GRIK2: variants seen among roughly 807,000 people sequenced by gnomAD.
GRIK2 encodes glutamate receptor ionotropic, kainate 2.
In GRIK2, 32 loss-of-function variants were observed where a neutral mutation model predicts 100.3. That is an observed-to-expected ratio of 0.32 (90% CI 0.24 to 0.43). GRIK2 has a LOEUF of 0.43. Among genes scored for constraint, GRIK2 ranks in the 20% least tolerant of loss-of-function variants. The pLI is 1.00. For missense variants in GRIK2, 843 were observed against 1,114.9 expected, an observed-to-expected ratio of 0.76 and a Z score of 3.47; for synonymous variants, 417 against 389.4, an observed-to-expected ratio of 1.07 and a Z score of -0.83.
At chr6:101,844,003 G>A in intron 10 of GRIK2, among the ~76,000 whole-genome samples, 1 of 151,760 alleles carries the variant, frequency 6.6e-6, no homozygotes, top group East Asian at 1.9e-4. Context: ...ACAACACCTG[G>A]AACATTTTAG....
At chr6:101,810,110 T>C (rs1781238242) in intron 9 of GRIK2, among the ~76,000 whole-genome samples, 1 of 151,758 alleles carries the variant, frequency 6.6e-6, no homozygotes, top group South Asian at 2.1e-4. Flanking sequence ...TTATGATATA[T>C]ATAACATAAT....
At chr6:101,524,138 A>C (rs547374804) in intron 2 of GRIK2, among the ~76,000 whole-genome samples, 1 of 152,146 alleles carries the variant, frequency 6.6e-6, no homozygotes, top group Non-Finnish European at 1.5e-5. Context: ...CTTGAATTTT[A>C]TACTTGATTT....
At chr6:101,591,518 A>AT (rs999893185) in intron 2 of GRIK2, among the ~76,000 whole-genome samples, 3 of 151,746 alleles carry the variant, frequency 2.0e-5, no homozygotes, top group African/African-American at 7.3e-5. Flanking sequence ...TGGGGAAGTT[A>AT]TTTTTTCTCT....
intron 12 of GRIK2, among the ~76,000 whole-genome samples, chr6:101,900,433 C>T (rs147420677): frequency 1.3e-5 from 2 of 152,044 alleles, no homozygotes; most frequent in Non-Finnish European, 2.9e-5. Context: ...GCCGAGATCG[C>T]GCCATTGCAC....
intron 11 of GRIK2, among the ~76,000 whole-genome samples, chr6:101,863,866 G>C (rs1022661124): frequency 6.6e-6 from 1 of 152,080 alleles, no homozygotes; most frequent in Non-Finnish European, 1.5e-5. Flanking sequence ...GGCCGGGCGC[G>C]GTGGCTCACG....
intron 14 of GRIK2, among the ~76,000 whole-genome samples, chr6:101,952,688 C>T (rs1312760439): frequency 1.3e-5 from 2 of 151,776 alleles, no homozygotes; most frequent in African/African-American, 4.8e-5. Flanking sequence ...CTGCAAGCTC[C>T]GCCTCCTGGG....
intron 7 of GRIK2, among the ~76,000 whole-genome samples, chr6:101,732,986 TA>T (rs1775379318): frequency 6.6e-6 from 1 of 152,092 alleles, no homozygotes; most frequent in African/African-American, 2.4e-5. Context: ...TCATATATAA[TA>T]AATCAAATGA....
chr6:102,053,499 T>G (rs2782891), intron 15 of GRIK2, among the ~76,000 whole-genome samples: 58,383 of 152,006 alleles, frequency 0.38, 11,562 homozygotes, highest in Middle Eastern at 0.47. Context: ...CCTCAGAATA[T>G]GCAAACATTT....
At chr6:101,615,168 T>C (rs1779837466) in intron 2 of GRIK2, among the ~76,000 whole-genome samples, 1 of 151,702 alleles carries the variant, frequency 6.6e-6, no homozygotes, top group Admixed American at 6.6e-5. Flanking sequence ...TTAACAAGCC[T>C]TTTGTAGTGA....
intron 4 of GRIK2, among the ~76,000 whole-genome samples, chr6:101,645,771 T>C (rs2128326308): frequency 6.6e-6 from 1 of 152,036 alleles, no homozygotes; most frequent in East Asian, 1.9e-4. Flanking sequence ...TTTATTGCTC[T>C]TGATTAGTCC....
At chr6:101,740,036 C>T (rs920285015) in intron 7 of GRIK2, among the ~76,000 whole-genome samples, 7 of 152,164 alleles carry the variant, frequency 4.6e-5, no homozygotes, top group Non-Finnish European at 1.0e-4. Flanking sequence ...ATCAACTTTG[C>T]TCTCTGGGAA....
chr6:101,994,034 TAC>T (rs1794525139), intron 14 of GRIK2, among the ~76,000 whole-genome samples: 1 of 148,622 alleles, frequency 6.7e-6, no homozygotes, highest in South Asian at 2.1e-4. Context: ...ATACATTATA[TAC>T]AGATATATAC....
intron 5 of GRIK2, among the ~76,000 whole-genome samples, chr6:101,681,402 C>CTTT: frequency 1.0e-5 from 1 of 99,038 alleles, no homozygotes; most frequent in East Asian, 3.1e-4. Context: ...TTTTTCTTTT[C>CTTT]TATTTTTTTT....
At chr6:101,971,106 G>T (rs1793020936) in intron 14 of GRIK2, among the ~76,000 whole-genome samples, 1 of 150,118 alleles carries the variant, frequency 6.7e-6, no homozygotes, top group South Asian at 2.1e-4. Context: ...TGTGAATTTT[G>T]AAATTTTTTC....
intron 12 of GRIK2, among the ~76,000 whole-genome samples, chr6:101,913,022 G>T (rs917938000): frequency 1.5e-4 from 22 of 151,340 alleles, no homozygotes; most frequent in Non-Finnish European, 1.3e-4. Flanking sequence ...TTTTATTTTT[G>T]AATTTAAAGC....
chr6:101,396,982 C>A (rs1187611134), intron 1 of GRIK2, among the ~76,000 whole-genome samples: 1 of 152,148 alleles, frequency 6.6e-6, no homozygotes, highest in African/African-American at 2.4e-5. Flanking sequence ...TGATCTTTCA[C>A]TTTTCCAACT....
chr6:101,486,105 G>A (rs1232531275), intron 2 of GRIK2, among the ~76,000 whole-genome samples: 3 of 151,970 alleles, frequency 2.0e-5, no homozygotes, highest in Admixed American at 1.3e-4. Context: ...CAAGATTTTC[G>A]CTGGGAGAAG....
chr6:101,570,814 C>G (rs1777491888), intron 2 of GRIK2, among the ~76,000 whole-genome samples: 1 of 152,094 alleles, frequency 6.6e-6, no homozygotes, highest in Non-Finnish European at 1.5e-5. Flanking sequence ...ACTTTATTGA[C>G]AGTTGAGTAA....
In GRIK2 at chr6:101,790,401, G is replaced by C. The variant is rs545582694; in HGVS notation, c.952-9247G>C. On this transcript the variant is annotated intron_variant, in intron 7 of 16. Coordinates refer to ENST00000369134, the MANE Select transcript of GRIK2 (RefSeq NM_021956.5). ...GTCACATCAATTCCTAATTTATTGAGAATTTTTAGCATGAAGGGTTGTTGA... is the reference window on the plus strand; with the variant it reads ...GTCACATCAATTCCTAATTTATTGACAATTTTTAGCATGAAGGGTTGTTGA... Among the ~76,000 whole-genome samples the C allele has an allele frequency of 8.2e-4, 125 of 152,206 alleles. 1 individual carries two copies. The highest frequency in any genetic ancestry group is 2.8e-3 in the African/African-American group (115 of 41,538).
Sources: allele counts gnomAD v4.1 joint callset (sites outside exome capture counted in the v4.1 genomes callset), GRCh38; gene constraint gnomAD v4.1.1; transcripts MANE v1.5; gene names NCBI Gene and HGNC (gene_info 2026-07-23, HGNC 2026-07-21).